Variants in ABCD3 observed in about 807,000 individuals in gnomAD.
ABCD3 encodes the protein ATP-binding cassette sub-family D member 3.
In ABCD3, 41 loss-of-function variants were observed where a neutral mutation model predicts 105.5. The observed-to-expected ratio is 0.39, with a 90% confidence interval of 0.30 to 0.50. The LOEUF (loss-of-function observed/expected upper bound fraction) is 0.50. ABCD3 is among the 20% of genes least tolerant of loss of function. The pLI is 0.84. For synonymous variants in ABCD3, 258 were observed against 269.0 expected, an observed-to-expected ratio of 0.96 and a Z score of 0.40; for missense variants, 622 against 806.3, an observed-to-expected ratio of 0.77 and a Z score of 2.77.
chr1:94,402,358 A>G, the ABCD3 span, among the ~76,000 whole-genome samples: 1 of 152,160 alleles, frequency 6.6e-6, no homozygotes, highest in African/African-American at 2.4e-5. Flanking sequence ...TGGCACAAAC[A>G]CTCATGTGCC....
At chr1:94,478,513 C>A in intron 8 of ABCD3, 198 bp downstream of exon 8, 1 of 1,561,402 alleles carries the variant, frequency 6.4e-7, no homozygotes, top group Non-Finnish European at 8.8e-7. Context: ...TTTTAATTTT[C>A]CTTAAATTAG....
chr1:94,516,271 C>A (rs1482998094), intron 22 of ABCD3, among the ~76,000 whole-genome samples: 3 of 151,778 alleles, frequency 2.0e-5, no homozygotes, highest in Non-Finnish European at 4.4e-5. Flanking sequence ...AGACAGGTAG[C>A]CTATATGAAA....
In ABCD3 at chr1:94,429,102, G is replaced by A. The variant is rs551359606; in HGVS notation, c.110+10514G>A. On this transcript the variant is annotated intron_variant, in intron 1 of 22. Transcript: ENST00000370214. ...CTGGAGCAAAGGTGACTCTTGTTAT[G>A]TTTTAGCAAACAGACTGTCAGCATT... Among the ~76,000 whole-genome samples, 24 of 152,300 alleles carry A rather than the reference G, an allele frequency of 1.6e-4. No individual in the cohort carries two copies. The East Asian group carries it at 2.9e-3, about 18-fold the overall frequency.
chr1:94,517,738 A>G lies in ABCD3; in HGVS notation c.*609A>G, dbSNP rs1412793473. ...GGAAAAGCCATTTTGGTTTTCCTTA[A>G]CTAAATGATAAATGTACCCCTCTCA... is the stretch of plus-strand genomic sequence containing the variant. On this transcript the variant is annotated 3_prime_UTR_variant, in exon 23 of 23. Transcript: ENST00000370214. The G allele has an allele frequency of 1.3e-5, 2 of 155,918 alleles. No homozygotes were observed. The highest frequency in any genetic ancestry group is 2.4e-5 in the African/African-American group (1 of 41,434). The allele number at this position is 155,918 out of a possible 1,614,324, so 9.7% of individuals were successfully genotyped here.
At chr1:94,505,892 A>T (rs1434388087) in intron 20 of ABCD3, among the ~76,000 whole-genome samples, 1 of 152,170 alleles carries the variant, frequency 6.6e-6, no homozygotes, top group Non-Finnish European at 1.5e-5. Context: ...CAGATGACAA[A>T]AATTGGAATA....
chr1:94,459,593 A>G (rs1169197789), intron 2 of ABCD3, among the ~76,000 whole-genome samples: 3 of 152,154 alleles, frequency 2.0e-5, no homozygotes, highest in African/African-American at 4.8e-5. Flanking sequence ...ATATCTCTAC[A>G]TGTTATATTC....
intron 21 of ABCD3, among the ~76,000 whole-genome samples, chr1:94,509,075 G>A (rs565553091): frequency 1.3e-5 from 2 of 152,198 alleles, no homozygotes; most frequent in South Asian, 4.1e-4. Context: ...GTTTTCAAAG[G>A]GAATGCTTCC....
intron 1 of ABCD3, among the ~76,000 whole-genome samples, chr1:94,454,654 CTTTCTT>C: frequency 6.6e-6 from 1 of 152,110 alleles, no homozygotes; most frequent in East Asian, 1.9e-4. Flanking sequence ...ATAGAACTTA[CTTTCTT>C]TTTCTTTTTA....
Position 94,517,623 on chromosome 1 carries a change from A to G in ABCD3, c.*494A>G, listed in dbSNP as rs1368066264. The stretch of plus-strand genomic sequence containing the variant: ...TTATTTAAATGTTTAACATCATTGC[A>G]TAACAGCGTTTATTATACAGTGGCA... On this transcript the variant is annotated 3_prime_UTR_variant, in exon 23 of 23. Coordinates refer to ENST00000370214, the MANE Select transcript of ABCD3 (RefSeq NM_002858.4). 5.9e-6 allele frequency: 1 copy of G among 169,292 alleles called. No individual in the cohort carries two copies. Among genetic ancestry groups the G allele is most frequent in the African/African-American group, 2.4e-5 (1 of 41,530 alleles). The allele number at this position is 169,292 out of a possible 1,614,324, so 10.5% of individuals were successfully genotyped here.
At chr1:94,385,608 G>A in the ABCD3 span, among the ~76,000 whole-genome samples, 1 of 152,338 alleles carries the variant, frequency 6.6e-6, no homozygotes, top group East Asian at 1.9e-4. Context: ...GTATGTGTCA[G>A]CCATGGCCTC....
intron 1 of ABCD3, among the ~76,000 whole-genome samples, chr1:94,444,647 A>G (rs1252461120): frequency 1.3e-5 from 2 of 152,048 alleles, no homozygotes; most frequent in South Asian, 2.1e-4. Context: ...ATTTCAAAAT[A>G]TTTTCTGATT....
chr1:94,452,850 C>CCT (rs1647324011), intron 1 of ABCD3, among the ~76,000 whole-genome samples: 1 of 152,106 alleles, frequency 6.6e-6, no homozygotes, highest in Non-Finnish European at 1.5e-5. Context: ...GATTCTCATG[C>CCT]CTCAGCCTCC....
At chr1:94,398,632 G>T in the ABCD3 span, among the ~76,000 whole-genome samples, 2 of 152,066 alleles carry the variant, frequency 1.3e-5, no homozygotes, top group African/African-American at 4.8e-5. Context: ...CTTAGATATA[G>T]GCTGGGCACA....
chr1:94,473,306 C>G (rs562045698), intron 4 of ABCD3, among the ~76,000 whole-genome samples: 118 of 152,262 alleles, frequency 7.7e-4, no homozygotes, highest in Middle Eastern at 3.4e-3. Context: ...AAAATATTTA[C>G]TCTTGACCCT....
Position 94,517,479 on chromosome 1 carries a change from C to T in ABCD3, c.*350C>T, listed in dbSNP as rs1650974794. 3.7e-6 allele frequency: 1 copy of T among 273,716 alleles called. No individual in the cohort carries two copies. The highest frequency in any genetic ancestry group is 2.3e-5 in the African/African-American group (1 of 43,790). 17.0% of individuals were successfully genotyped at this position (273,716 alleles called of 1,614,324 possible). Reference sequence around the variant, plus strand: ...GCTAATTGGACTTTTATGGCTCTATCTTTTCCTTCAGTGAAGAACCCTATT... The same window carrying T: ...GCTAATTGGACTTTTATGGCTCTATTTTTTCCTTCAGTGAAGAACCCTATT... On this transcript the variant is annotated 3_prime_UTR_variant, in exon 23 of 23. Coordinates refer to ENST00000370214, the MANE Select transcript of ABCD3 (RefSeq NM_002858.4).
At chr1:94,473,927 C>CT in intron 5 of ABCD3, 92 bp downstream of exon 5, 1 of 942,586 alleles carries the variant, frequency 1.1e-6, no homozygotes, top group Admixed American at 2.0e-5. Context: ...TCTTTAAAGA[C>CT]TTATGATACT....
rs1557674259 is a variant in ABCD3, at chr1:94,464,797, C to T, written c.170C>T (p.Ala57Val). The T allele has an allele frequency of 6.2e-7, 1 of 1,613,380 alleles. No homozygotes were observed. Among genetic ancestry groups the T allele is most frequent in the East Asian group, 2.2e-5 (1 of 44,842 alleles). The change falls in exon 3 of 23, where the codon GCT becomes GTT. Residue 57 changes from alanine to valine, a missense_variant. Physicochemically the swap from Ala to Val is moderately conservative, Grantham distance 64 (BLOSUM62 0). Coordinates refer to ENST00000370214, the MANE Select transcript of ABCD3 (RefSeq NM_002858.4). Reference protein sequence around the residue: ...NNEKEGKKERAVVDKVFFSRL... With the variant: ...NNEKEGKKERVVVDKVFFSRL... ...CAGAAAGAGGGGAAAAAGGAGCGAG[C>T]TGTGGTGGACAAGGTGTTTTTCTCA... is the stretch of plus-strand genomic sequence containing the variant.
chr1:94,459,514 G>A (rs867247455), intron 2 of ABCD3, among the ~76,000 whole-genome samples: 4 of 152,072 alleles, frequency 2.6e-5, no homozygotes, highest in South Asian at 4.1e-4. Context: ...TTCTTTAACC[G>A]TAACTATTTT....
chr1:94,461,657 T>G (rs1187576076), intron 2 of ABCD3, among the ~76,000 whole-genome samples: 2 of 152,098 alleles, frequency 1.3e-5, no homozygotes, highest in African/African-American at 4.8e-5. Context: ...TGAGCTGCTT[T>G]CTTTTTTACA....
Sources: allele counts gnomAD v4.1 joint callset (sites outside exome capture counted in the v4.1 genomes callset), GRCh38; gene constraint gnomAD v4.1.1; transcripts MANE v1.5; gene names NCBI Gene and HGNC (gene_info 2026-07-23, HGNC 2026-07-21).